The following FLRT1 variants were observed in gnomAD, a reference collection of about 807,000 sequenced individuals.
FLRT1 encodes leucine-rich repeat transmembrane protein FLRT1.
Under a neutral mutation model 30.9 loss-of-function variants are expected in FLRT1, and 14 were observed. That is an observed-to-expected ratio of 0.45 (90% CI 0.30 to 0.71). FLRT1 has a LOEUF of 0.71. Ranked by LOEUF, FLRT1 falls within the 30% of genes least tolerant of loss-of-function variation. FLRT1 has a pLI of 0.08. For missense variants in FLRT1, 737 were observed against 949.2 expected (o/e 0.78, Z 2.94); for synonymous variants, 368 against 430.4 (o/e 0.85, Z 1.80).
intron 1 of FLRT1, among the ~76,000 whole-genome samples, chr11:64,086,135 TGC>T (rs1944390533): frequency 6.6e-6 from 1 of 152,118 alleles, no homozygotes; most frequent in Non-Finnish European, 1.5e-5. Flanking sequence ...GGTGGGTGGC[TGC>T]GCACACACAG....
chr11:64,118,300 C>T lies in FLRT1; in HGVS notation c.*8C>T. On this transcript the variant is annotated 3_prime_UTR_variant, in exon 3 of 3. Transcript: ENST00000682287. ...GACTACTCCTACACATGATGCCCGC[C>T]CACCCGGGCTGCCCCGCCTCAGCCC... 6.5e-7 allele frequency: 1 copy of T among 1,543,290 alleles called. No individual in the cohort carries two copies. Among genetic ancestry groups the T allele is most frequent in the Non-Finnish European group, 8.8e-7 (1 of 1,138,764 alleles).
intron 2 of FLRT1, among the ~76,000 whole-genome samples, chr11:64,112,925 G>A (rs663889): frequency 0.53 from 80,711 of 152,110 alleles, 24,600 homozygotes; most frequent in Non-Finnish European, 0.68. Context: ...CATTCACCAC[G>A]GCAGGGCCCA....
In FLRT1 at chr11:64,103,615, AG is replaced by A. The variant is rs1400907244; in HGVS notation, c.-611del. On this transcript the variant is annotated 5_prime_UTR_variant, in exon 2 of 3. Transcript: ENST00000682287. ...AAAAAAAAAGCCTTGGTAAACAAAA[AG>A]GGGGTAAAAGCCACGCAGAGGCCCT... 2.6e-5 allele frequency: 4 copies of A among 151,890 alleles called. No homozygotes were observed. The highest frequency in any genetic ancestry group is 5.9e-5 in the Non-Finnish European group (4 of 67,976). The allele number at this position is 151,890 out of a possible 1,614,324, so 9.4% of individuals were successfully genotyped here.
rs1271894429 is a variant in FLRT1 at position 64,064,412 on chromosome 11, G to A, written c.-1038+28253G>A. 3.9e-5 allele frequency among the ~76,000 whole-genome samples: 6 copies of A among 152,120 alleles called. No homozygotes were observed. The highest frequency in any genetic ancestry group is 5.9e-5 in the Non-Finnish European group (4 of 68,026). ...ATGGAGGAGGCTCAGGGCCAGTGCC[G>A]GGACTCCAGCTCCTCTGGGCACTGG... On this transcript the variant is annotated intron_variant, in intron 1 of 2. Coordinates refer to ENST00000682287, the MANE Select transcript of FLRT1 (RefSeq NM_013280.5). The surrounding 1 kb of genome is among the most constrained non-coding windows in gnomAD (Gnocchi z 4.5).
chr11:64,049,872 C>T (rs1943657791), intron 1 of FLRT1, among the ~76,000 whole-genome samples: 8 of 152,222 alleles, frequency 5.3e-5, no homozygotes, highest in Admixed American at 5.2e-4. Context: ...CACCATCCCC[C>T]AGCTCTGTTC....
At chr11:64,062,287 G>A (rs1408237954) in intron 1 of FLRT1, among the ~76,000 whole-genome samples, 1 of 152,126 alleles carries the variant, frequency 6.6e-6, no homozygotes, top group Non-Finnish European at 1.5e-5. Context: ...CTCAGTAAAT[G>A]CATCTATCAG....
intron 1 of FLRT1, among the ~76,000 whole-genome samples, chr11:64,039,425 G>C (rs1006944329): frequency 1.3e-5 from 2 of 152,108 alleles, no homozygotes; most frequent in African/African-American, 4.8e-5. Context: ...GGTAGCGGGG[G>C]GTCCCTCCTC....
Position 64,103,344 on chromosome 11 carries a change from C to G in FLRT1, c.-887C>G, listed in dbSNP as rs888776917. 1.3e-5 allele frequency: 2 copies of G among 152,220 alleles called. No individual in the cohort carries two copies. Among genetic ancestry groups the G allele is most frequent in the African/African-American group, 2.4e-5 (1 of 41,440 alleles). The allele number at this position is 152,220 out of a possible 1,614,324, so 9.4% of individuals were successfully genotyped here. On this transcript the variant is annotated 5_prime_UTR_variant, in exon 2 of 3. Transcript: ENST00000682287. Reference sequence around the variant, plus strand: ...CAAGCAGGACTGAGGCCCTTGCCCCCCAAGCATCTTCTCAAAGAAGGGCAT... The same window carrying G: ...CAAGCAGGACTGAGGCCCTTGCCCCGCAAGCATCTTCTCAAAGAAGGGCAT...
intron 1 of FLRT1, among the ~76,000 whole-genome samples, chr11:64,048,375 G>T (rs923568867): frequency 1.3e-5 from 2 of 152,228 alleles, no homozygotes; most frequent in Non-Finnish European, 2.9e-5. Context: ...AGAGGCCCTT[G>T]TCTGTGGAGG....
At chr11:64,115,245 TAAG>T (rs773454425) in intron 2 of FLRT1, among the ~76,000 whole-genome samples, 18 of 152,186 alleles carry the variant, frequency 1.2e-4, no homozygotes, top group Non-Finnish European at 2.5e-4. Context: ...TAAAATAATA[TAAG>T]AAAAATCTAT....
At chr11:64,040,025 CTCATTCAT>C (rs992718465) in intron 1 of FLRT1, among the ~76,000 whole-genome samples, 3 of 152,224 alleles carry the variant, frequency 2.0e-5, no homozygotes, top group East Asian at 1.9e-4. Context: ...TCCTTTCCTG[CTCATTCAT>C]TCATTCATTC....
intron 1 of FLRT1, among the ~76,000 whole-genome samples, chr11:64,089,517 GCCT>G (rs1944453298): frequency 6.6e-6 from 1 of 152,194 alleles, no homozygotes; most frequent in Non-Finnish European, 1.5e-5. Flanking sequence ...GCATTCTCCA[GCCT>G]CCTCCTGTTA....
Position 64,117,705 on chromosome 11 carries a change from A to G in FLRT1, c.1438A>G (p.Ile480Val), listed in dbSNP as rs766433079. The change falls in exon 3 of 3, where the codon ATC (isoleucine) becomes GTC (valine). Residue 480 changes from isoleucine to valine, a missense_variant. By Grantham distance (29) the Ile-to-Val change is conservative (BLOSUM62 3). Coordinates refer to ENST00000682287, the MANE Select transcript of FLRT1 (RefSeq NM_013280.5). The stretch of plus-strand genomic sequence containing the variant: ...GGGCCACAGCCCAGCCGTGGGCTCC[A>G]TCACGGAGACCTTGGTGCAGGGGGA... ...RLGHSPAVGSITETLVQGDKT... is the reference protein window; with the variant it reads ...RLGHSPAVGSVTETLVQGDKT... The G allele has an allele frequency of 3.1e-6, 5 of 1,613,672 alleles. No homozygotes were observed. In the South Asian group the frequency reaches 3.3e-5, roughly 11 times the overall value.
In FLRT1 at chr11:64,104,144, T is replaced by C. The variant is rs921753036; in HGVS notation, c.-87T>C. 6 of 152,248 alleles carry C rather than the reference T, an allele frequency of 3.9e-5. No homozygotes were observed. The highest frequency in any genetic ancestry group is 1.4e-4 in the African/African-American group (6 of 41,424). 9.4% of individuals were successfully genotyped at this position (152,248 alleles called of 1,614,324 possible). On this transcript the variant is annotated 5_prime_UTR_variant, in exon 2 of 3. Coordinates refer to ENST00000682287, the MANE Select transcript of FLRT1 (RefSeq NM_013280.5). ...GGGGCCTCCGGACCAGTGACCCCAG[T>C]CAAACCCAGAGGGTCTTGGGCGGCA...
At chr11:64,110,473 C>CGAA (rs1329757761) in intron 2 of FLRT1, among the ~76,000 whole-genome samples, 3 of 151,590 alleles carry the variant, frequency 2.0e-5, no homozygotes, top group African/African-American at 7.3e-5. Flanking sequence ...AGAAAGAAAT[C>CGAA]ATACCACCTG....
intron 1 of FLRT1, among the ~76,000 whole-genome samples, chr11:64,083,715 G>A (rs937538724): frequency 6.6e-6 from 1 of 152,254 alleles, no homozygotes; most frequent in Admixed American, 6.5e-5. Context: ...CGCCAGACTG[G>A]CTCCAGGTCT....
At chr11:64,116,152 C>T (rs1041936836) in intron 2 of FLRT1, 67 bp from the exon 3 acceptor site, 94 of 1,436,508 alleles carry the variant, frequency 6.5e-5, no homozygotes, top group Non-Finnish European at 7.9e-5. Context: ...GGAGGGAATG[C>T]ACGATTCACT....
chr11:64,053,488 G>C (rs1646137944), intron 1 of FLRT1, among the ~76,000 whole-genome samples: 1 of 152,132 alleles, frequency 6.6e-6, no homozygotes, highest in Admixed American at 6.5e-5. Flanking sequence ...CGATGGGAGT[G>C]TGGCCAGGAA....
chr11:64,057,770 C>T (rs996261192), intron 1 of FLRT1, among the ~76,000 whole-genome samples: 1 of 152,234 alleles, frequency 6.6e-6, no homozygotes, highest in Non-Finnish European at 1.5e-5. Flanking sequence ...GGGACAGCCA[C>T]TTGTTGAGCG....
Sources: allele counts gnomAD v4.1 joint callset (sites outside exome capture counted in the v4.1 genomes callset), GRCh38; gene constraint gnomAD v4.1.1; non-coding constraint Gnocchi (gnomAD v3.1); transcripts MANE v1.5; gene names NCBI Gene and HGNC (gene_info 2026-07-23, HGNC 2026-07-21).